Variants in CHD7 observed in about 807,000 individuals in gnomAD.
The protein encoded by CHD7 is ATP-dependent chromatin remodeler CHD7.
In CHD7, 24 loss-of-function variants were observed where a neutral mutation model predicts 307.3. The ratio of observed to expected loss-of-function variants is 0.08; its 90% CI spans 0.06 to 0.11. The LOEUF is 0.11. Among genes scored for constraint, CHD7 ranks in the 10% least tolerant of loss-of-function variants. The pLI is 1.00. For missense variants in CHD7, 3,106 were observed against 3,727.1 expected, an observed-to-expected ratio of 0.83 and a Z score of 4.34; for synonymous variants, 1,363 against 1,349.9, an observed-to-expected ratio of 1.01 and a Z score of -0.21.
intron 3 of CHD7, among the ~76,000 whole-genome samples, chr8:60,784,956 C>G (rs965733496): frequency 5.3e-5 from 8 of 152,042 alleles, no homozygotes; most frequent in African/African-American, 1.9e-4. Context: ...AGTGTTCTCC[C>G]CAGTTGTCCT....
Position 60,836,206 on chromosome 8 carries a change from T to C in CHD7, c.3912T>C (p.Ala1304=), listed in dbSNP as rs371595829. The change falls in exon 16 of 38, where the codon GCT becomes GCC. Residue 1304 remains alanine (A), a synonymous_variant. Coordinates refer to ENST00000423902, the MANE Select transcript of CHD7 (RefSeq NM_017780.4). The part of the protein sequence containing the change: ...LIDKLLPKLK[A]GGHRVLIFSQ... ...ACAAGCTGCTGCCAAAACTGAAGGC[T>C]GGTGGCCACAGGGTGCTTATCTTTT... 6.2e-7 allele frequency: 1 copy of C among 1,614,034 alleles called. No individual in the cohort carries two copies. The highest frequency in any genetic ancestry group is 1.6e-4 in the Middle Eastern group (1 of 6,062).
intron 3 of CHD7, among the ~76,000 whole-genome samples, chr8:60,786,900 G>C (rs990002897): frequency 6.6e-6 from 1 of 152,176 alleles, no homozygotes; most frequent in Non-Finnish European, 1.5e-5. Flanking sequence ...TCGGGTGCTT[G>C]TGCAAAGCCA....
At chr8:60,775,382 T>G (rs1810904438) in intron 2 of CHD7, among the ~76,000 whole-genome samples, 1 of 43,880 alleles carries the variant, frequency 2.3e-5, no homozygotes. Flanking sequence ...GTAACTTAAA[T>G]TGAGAATAAA....
At chr8:60,823,644 T>G (rs1277358655) in intron 12 of CHD7, among the ~76,000 whole-genome samples, 196 bp from the exon 13 acceptor site, 1 of 152,152 alleles carries the variant, frequency 6.6e-6, no homozygotes, top group East Asian at 1.9e-4. Flanking sequence ...TTACTGACAG[T>G]TTTCTCATTT....
chr8:60,727,070 T>A (rs1808198975), intron 1 of CHD7, among the ~76,000 whole-genome samples: 1 of 152,244 alleles, frequency 6.6e-6, no homozygotes. Flanking sequence ...ACTAATGTAC[T>A]TATGCTCCTA....
intron 2 of CHD7, among the ~76,000 whole-genome samples, chr8:60,749,864 G>A (rs1468369876): frequency 4.6e-5 from 7 of 152,310 alleles, no homozygotes; most frequent in South Asian, 2.1e-4. Flanking sequence ...AACAGCCTGT[G>A]GTTTCTCACG....
At chr8:60,793,148 C>T (rs947807475) in intron 3 of CHD7, among the ~76,000 whole-genome samples, 6 of 151,912 alleles carry the variant, frequency 3.9e-5, no homozygotes, top group Non-Finnish European at 8.8e-5. Flanking sequence ...GCAGTTAGAG[C>T]GGAAATAAAT....
At position 60,851,081 on chromosome 8, in the gene CHD7, A is replaced by G; in HGVS notation, c.5584A>G (p.Thr1862Ala). 1 of 1,573,254 alleles carries G rather than the reference A, an allele frequency of 6.4e-7. No homozygotes were observed. The highest frequency in any genetic ancestry group is 8.6e-7 in the Non-Finnish European group (1 of 1,157,910). Residue 1862 changes from threonine (T) to alanine (A), a missense_variant, in exon 27 of 38, where the codon ACA becomes GCA. Physicochemically the swap from Thr to Ala is moderately conservative, Grantham distance 58. Coordinates refer to ENST00000423902, the MANE Select transcript of CHD7 (RefSeq NM_017780.4). ...AGACCCAGAATATAAACCAACCAGA[A>G]CACCGTTCAAAGATGAAATAGATGT... is the stretch of plus-strand genomic sequence containing the variant. ...DEDPEYKPTR[T>A]PFKDEIDEFA...
intron 1 of CHD7, among the ~76,000 whole-genome samples, chr8:60,737,011 T>G (rs1237637334): frequency 2.0e-5 from 3 of 152,046 alleles, no homozygotes; most frequent in Non-Finnish European, 2.9e-5. Context: ...AAGTAAAAAT[T>G]TAACATGTGT....
chr8:60,712,252 AATTATT>A (rs578128896), intron 1 of CHD7, among the ~76,000 whole-genome samples: 30 of 152,226 alleles, frequency 2.0e-4, no homozygotes, highest in African/African-American at 6.5e-4. Flanking sequence ...CTTGCTTTAA[AATTATT>A]ATTATTATTT....
chr8:60,748,799 T>C (rs1809460823), intron 2 of CHD7, among the ~76,000 whole-genome samples: 1 of 152,146 alleles, frequency 6.6e-6, no homozygotes, highest in Non-Finnish European at 1.5e-5. Flanking sequence ...ATAAGTTTAT[T>C]TTGGATACAT....
chr8:60,700,307 CTTAGAG>C (rs1157358830), intron 1 of CHD7, among the ~76,000 whole-genome samples: 1 of 152,150 alleles, frequency 6.6e-6, no homozygotes, highest in African/African-American at 2.4e-5. Flanking sequence ...AGCTTACCAT[CTTAGAG>C]TAATTATAAC....
At chr8:60,834,936 C>T (rs1271736485) in intron 15 of CHD7, among the ~76,000 whole-genome samples, 1 of 152,116 alleles carries the variant, frequency 6.6e-6, no homozygotes, top group Non-Finnish European at 1.5e-5. Context: ...TTTATGTATC[C>T]CCATCTTGTG....
At position 60,781,150 on chromosome 8, in the gene CHD7, A is replaced by T. The variant is rs1179187323; in HGVS notation, c.1816A>T (p.Ile606Phe). Residue 606 changes from isoleucine (I) to phenylalanine (F), a missense_variant, in exon 3 of 38, where the codon ATT (isoleucine) becomes TTT (phenylalanine). This residue lies in a region of CHD7 where 998 missense variants were observed against 1,004.5 expected (regional missense o/e 0.99). Coordinates refer to ENST00000423902, the MANE Select transcript of CHD7 (RefSeq NM_017780.4). ...QKKKKKKNNH[I>F]VAEDPSKGFG... ...GAAGAAGAAAAAGAAAAACAACCACATTGTAGCAGAGGATCCCAGTAAAGG... is the reference window on the plus strand; with the variant it reads ...GAAGAAGAAAAAGAAAAACAACCACTTTGTAGCAGAGGATCCCAGTAAAGG... 3.1e-6 allele frequency: 5 copies of T among 1,609,078 alleles called. No individual in the cohort carries two copies. The highest frequency in any genetic ancestry group is 4.2e-6 in the Non-Finnish European group (5 of 1,177,626).
intron 2 of CHD7, among the ~76,000 whole-genome samples, chr8:60,750,263 G>T (rs1398196811): frequency 6.6e-6 from 1 of 152,100 alleles, no homozygotes; most frequent in Admixed American, 6.6e-5. Context: ...TTTCATCTTG[G>T]TGTCTTAGGT....
rs72650500 is a variant in CHD7, at chr8:60,792,297, A to G, written c.2097-2689A>G. Among the ~76,000 whole-genome samples, 1,473 of 152,322 alleles carry G rather than the reference A, an allele frequency of 9.7e-3. 19 individuals carry two copies. Among genetic ancestry groups the G allele is most frequent in the Non-Finnish European group, 0.013 (905 of 68,018 alleles). ...ATACAACACTTAGTTGAAAAATCTC[A>G]ATTAGCTTATTGCAGAATAGTAGCA... On this transcript the variant is annotated intron_variant, in intron 3 of 37. Transcript: ENST00000423902.
At chr8:60,845,089 C>A in intron 22 of CHD7, 26 bp downstream of exon 22, 1 of 1,609,876 alleles carries the variant, frequency 6.2e-7, no homozygotes, top group South Asian at 1.1e-5. Flanking sequence ...GCTGTTTGTG[C>A]TACAGGGTCA....
chr8:60,777,490 G>T (rs537792967), intron 2 of CHD7, among the ~76,000 whole-genome samples: 1 of 152,290 alleles, frequency 6.6e-6, no homozygotes, highest in South Asian at 2.1e-4. Flanking sequence ...TAAATAAAAA[G>T]TTGCTTTTTT....
intron 36 of CHD7, 36 bp downstream of exon 36, chr8:60,862,372 T>A: frequency 6.3e-7 from 1 of 1,578,460 alleles, no homozygotes; most frequent in Non-Finnish European, 8.6e-7. Context: ...CACTATGCGA[T>A]TTCTTAGCCC....
Sources: gnomAD v4.1 joint callset for allele counts (sites outside exome capture counted in the v4.1 genomes callset) on GRCh38, gnomAD v4.1.1 for gene constraint, gnomAD v4.1.1 regional missense constraint, MANE v1.5 for transcripts, NCBI Gene and HGNC (gene_info 2026-07-23, HGNC 2026-07-21) for gene names.